The following ZMAT3 variants were observed in gnomAD, a reference collection of about 807,000 sequenced individuals.
ZMAT3 encodes zinc finger matrin-type 3.
A neutral mutation model predicts 32.3 loss-of-function variants in ZMAT3; 17 were observed. That is an observed-to-expected ratio of 0.53 (90% CI 0.36 to 0.79). The LOEUF (loss-of-function observed/expected upper bound fraction) is 0.79, where lower values mean the gene tolerates loss of function less well. Among genes scored for constraint, ZMAT3 ranks in the 30% least tolerant of loss-of-function variants. The pLI is 0.00. For missense variants in ZMAT3, 329 were observed against 359.7 expected, an observed-to-expected ratio of 0.91 and a Z score of 0.69; for synonymous variants, 120 against 133.1, an observed-to-expected ratio of 0.90 and a Z score of 0.68.
At chr3:179,040,681 A>C (rs1344184212) in intron 2 of ZMAT3, among the ~76,000 whole-genome samples, 1 of 152,224 alleles carries the variant, frequency 6.6e-6, no homozygotes, top group Non-Finnish European at 1.5e-5. Flanking sequence ...AATGGGCAAA[A>C]CAACCAGCAA....
At chr3:179,031,518 G>C (rs1719192557) in intron 2 of ZMAT3, among the ~76,000 whole-genome samples, 1 of 152,172 alleles carries the variant, frequency 6.6e-6, no homozygotes, top group South Asian at 2.1e-4. Context: ...TGAAGTAAAA[G>C]AGCCTACTCT....
rs747975816 is a variant in ZMAT3 at position 179,027,826 on chromosome 3, C to T, written c.391-14G>A. 59 of 1,585,684 alleles carry T rather than the reference C, an allele frequency of 3.7e-5. No individual in the cohort carries two copies. The highest frequency in any genetic ancestry group is 9.4e-6 in the Non-Finnish European group (11 of 1,170,170). On this transcript the variant is annotated splice_polypyrimidine_tract_variant and intron_variant, in intron 3 of 5. Coordinates refer to ENST00000311417, the MANE Select transcript of ZMAT3 (RefSeq NM_022470.4). ...AAAGGAGCCCATCTGACATCAAAGACACAAGAAGAAACAAAGTTAAAAAAA... is the reference window on the plus strand; with the variant it reads ...AAAGGAGCCCATCTGACATCAAAGATACAAGAAGAAACAAAGTTAAAAAAA...
chr3:179,063,490 G>T (rs1340774726), intron 2 of ZMAT3, among the ~76,000 whole-genome samples: 1 of 152,336 alleles, frequency 6.6e-6, no homozygotes, highest in South Asian at 2.1e-4. Context: ...AGAAAGCCAT[G>T]TTTATGACAA....
chr3:179,041,190 A>T (rs1719905702), intron 2 of ZMAT3, among the ~76,000 whole-genome samples: 1 of 152,176 alleles, frequency 6.6e-6, no homozygotes, highest in South Asian at 2.1e-4. Context: ...CAAGGTTAAC[A>T]AGCATATACA....
At chr3:179,031,093 T>G in intron 2 of ZMAT3, 94 bp from the exon 3 acceptor site, 2 of 1,129,058 alleles carry the variant, frequency 1.8e-6, no homozygotes, top group Non-Finnish European at 2.4e-6. Flanking sequence ...CCAAAAATAT[T>G]AAGATATTTT....
At chr3:179,030,590 G>A (rs981359328) in intron 3 of ZMAT3, among the ~76,000 whole-genome samples, 6 of 152,064 alleles carry the variant, frequency 3.9e-5, no homozygotes, top group Admixed American at 3.3e-4. Flanking sequence ...TCTTGACCTC[G>A]TGATTCGCCC....
At chr3:179,038,225 C>T (rs1230507115) in intron 2 of ZMAT3, among the ~76,000 whole-genome samples, 7 of 152,106 alleles carry the variant, frequency 4.6e-5, no homozygotes, top group African/African-American at 1.2e-4. Flanking sequence ...CTGGAGTTTA[C>T]GAACGAGGTC....
rs1279315052 is a variant in ZMAT3, at chr3:179,025,124, C to A, written c.763G>T (p.Ala255Ser). 1 of 1,614,246 alleles carries A rather than the reference C, an allele frequency of 6.2e-7. No individual in the cohort carries two copies. The highest frequency in any genetic ancestry group is 1.7e-5 in the Admixed American group (1 of 60,028). Residue 255 changes from alanine (A) to serine (S), a missense_variant, in exon 6 of 6, where the codon GCT becomes TCT. Ala to Ser is a moderately conservative substitution (Grantham distance 99, BLOSUM62 1). Transcript: ENST00000311417. ...QFYCSMCNVG[A>S]GEEMEFRQHL... Reference sequence around the variant, plus strand: ...TGCCGGAATTCCATCTCTTCGCCAGCTCCAACATTACACATTGAGCAGTAA... The same window carrying A: ...TGCCGGAATTCCATCTCTTCGCCAGATCCAACATTACACATTGAGCAGTAA...
At position 179,018,607 on chromosome 3, in the gene ZMAT3, T is replaced by C. The variant is rs1257187833; in HGVS notation, c.*6410A>G. The stretch of plus-strand genomic sequence containing the variant: ...TTCAATTCTACCCATTGAATCTTCA[T>C]GACCTGGAGAAAGTCACTTAAAATT... On this transcript the variant is annotated 3_prime_UTR_variant, in exon 6 of 6. Transcript: ENST00000311417. The C allele has an allele frequency of 6.8e-6, 1 of 146,500 alleles. No homozygotes were observed. The highest frequency in any genetic ancestry group is 1.5e-5 in the Non-Finnish European group (1 of 67,302). 9.1% of individuals were successfully genotyped at this position (146,500 alleles called of 1,614,324 possible).
intron 2 of ZMAT3, among the ~76,000 whole-genome samples, chr3:179,060,111 C>G (rs977138341): frequency 1.3e-5 from 2 of 152,000 alleles, no homozygotes; most frequent in African/African-American, 4.8e-5. Flanking sequence ...TGTATGGGAG[C>G]TCTTGTTTTC....
intron 2 of ZMAT3, among the ~76,000 whole-genome samples, chr3:179,031,924 A>ACCTCTCCCTCTCC (rs1245981687): frequency 3.4e-5 from 1 of 29,782 alleles, no homozygotes; most frequent in African/African-American, 1.2e-4. Context: ...AAAAAAAAAA[A>ACCTCTCCCTCTCC]CTCTCCCTCT....
chr3:179,039,319 T>A (rs1434835505), intron 2 of ZMAT3, among the ~76,000 whole-genome samples: 1 of 152,188 alleles, frequency 6.6e-6, no homozygotes. Flanking sequence ...GGGCCAACAG[T>A]CACCTCATAT....
chr3:179,054,250 T>C (rs984596157), intron 2 of ZMAT3, among the ~76,000 whole-genome samples: 3 of 152,222 alleles, frequency 2.0e-5, no homozygotes, highest in African/African-American at 7.2e-5. Flanking sequence ...CTATTCTAAA[T>C]GCCCCACACA....
chr3:179,024,727 CA>C lies in ZMAT3; in HGVS notation c.*289del, dbSNP rs1718765604. The stretch of plus-strand genomic sequence containing the variant: ...GGCTACTAGTTGACCAGAACTTGAG[CA>C]AGATAAAAAGTTATTTCTGATGGGG... On this transcript the variant is annotated 3_prime_UTR_variant, in exon 6 of 6. Transcript: ENST00000311417. 3.2e-6 allele frequency: 1 copy of C among 310,722 alleles called. No individual in the cohort carries two copies. The highest frequency in any genetic ancestry group is 6.1e-6 in the Non-Finnish European group (1 of 164,074). 19.2% of individuals were successfully genotyped at this position (310,722 alleles called of 1,614,324 possible).
intron 2 of ZMAT3, among the ~76,000 whole-genome samples, chr3:179,031,465 G>C (rs770789730): frequency 8.6e-5 from 13 of 152,006 alleles, no homozygotes; most frequent in Non-Finnish European, 1.5e-4. Context: ...ACAACCCTGG[G>C]GGTAAACAGA....
At chr3:179,052,016 CA>C (rs1469567538) in intron 2 of ZMAT3, among the ~76,000 whole-genome samples, 2 of 152,102 alleles carry the variant, frequency 1.3e-5, no homozygotes, top group East Asian at 3.8e-4. Flanking sequence ...TCACCTTATA[CA>C]AAAATCAACT....
At chr3:179,041,551 C>T (rs1012467604) in intron 2 of ZMAT3, among the ~76,000 whole-genome samples, 5 of 152,314 alleles carry the variant, frequency 3.3e-5, no homozygotes, top group East Asian at 1.9e-4. Context: ...AAAAACTCAA[C>T]GTACCAGAGT....
rs546869472 is a variant in ZMAT3 at position 179,071,776 on chromosome 3, C to G, written c.-239G>C. 1 of 152,662 alleles carries G rather than the reference C, an allele frequency of 6.6e-6. No individual in the cohort carries two copies. The highest frequency in any genetic ancestry group is 1.5e-5 in the Non-Finnish European group (1 of 68,420). 9.5% of individuals were successfully genotyped at this position (152,662 alleles called of 1,614,324 possible). On this transcript the variant is annotated 5_prime_UTR_variant, in exon 1 of 6. Transcript: ENST00000311417. ...GCTGACTGTCAAAAGTCAGTCCAAC[C>G]CGACCCACAGGGAAACAGCTGCAGG...
At chr3:179,055,669 C>A (rs1380151404) in intron 2 of ZMAT3, among the ~76,000 whole-genome samples, 2 of 152,112 alleles carry the variant, frequency 1.3e-5, no homozygotes, top group African/African-American at 4.8e-5. Flanking sequence ...AGACTTAAAG[C>A]AAATTAAAAT....
Sources: gnomAD v4.1 joint callset for allele counts (sites outside exome capture counted in the v4.1 genomes callset) on GRCh38, gnomAD v4.1.1 for gene constraint, MANE v1.5 for transcripts, NCBI Gene and HGNC (gene_info 2026-07-23, HGNC 2026-07-21) for gene names.